The following PSMF1 variants were observed in gnomAD, a reference collection of about 807,000 sequenced individuals.
The protein encoded by PSMF1 is proteasome inhibitor subunit 1.
A neutral mutation model predicts 29.3 loss-of-function variants in PSMF1; 30 were observed. The ratio of observed to expected loss-of-function variants is 1.02; its 90% CI spans 0.77 to 1.39. The LOEUF is 1.39. Among genes scored for constraint, PSMF1 ranks in the 40% most tolerant of loss-of-function variants. The pLI, the probability that PSMF1 is intolerant of heterozygous loss-of-function variation, is 0.00. For missense variants in PSMF1, 344 were observed against 357.5 expected (o/e 0.96, Z 0.31); for synonymous variants, 134 against 139.7 (o/e 0.96, Z 0.29).
chr20:1,113,445 A>AACACAC (rs58779664), intron 1 of PSMF1: 15,631 of 114,314 alleles, frequency 0.14, 1,250 homozygotes, highest in Admixed American at 0.16. Context: ...GATCAGGGGC[A>AACACAC]ACACACACAC....
Position 1,171,955 on chromosome 20 carries a change from C to T in PSMF1, c.*6875C>T, listed in dbSNP as rs2086794775. Among the ~76,000 whole-genome samples, 1 of 152,210 alleles carries T rather than the reference C, an allele frequency of 6.6e-6. No individual in the cohort carries two copies. The highest frequency in any genetic ancestry group is 6.5e-5 in the Admixed American group (1 of 15,276). ...TGAAGAGAGGGATGGCCCAGGGGCC[C>T]TTGGCCATGGTGGCCTTGGACAAGT... On this transcript the variant is annotated 3_prime_UTR_variant, in exon 7 of 7. Transcript: ENST00000335877.
intron 4 of PSMF1, among the ~76,000 whole-genome samples, chr20:1,153,054 A>G (rs574891417): frequency 2.8e-4 from 43 of 152,288 alleles, no homozygotes; most frequent in South Asian, 1.9e-3. Flanking sequence ...CATTCTCACT[A>G]TGTTTCAATG....
intron 3 of PSMF1, among the ~76,000 whole-genome samples, chr20:1,133,202 T>C (rs572572012): frequency 6.6e-6 from 1 of 151,572 alleles, no homozygotes; most frequent in South Asian, 2.1e-4. Flanking sequence ...CAGTAAAGTA[T>C]ATTGTTAGGG....
chr20:1,161,460 A>C (rs1396152644), intron 4 of PSMF1: 1 of 475,480 alleles, frequency 2.1e-6, no homozygotes, highest in African/African-American at 2.0e-5. Flanking sequence ...GTATGCCAAC[A>C]CGGTGCTGGC....
intron 3 of PSMF1, among the ~76,000 whole-genome samples, chr20:1,128,653 A>C (rs2086191081): frequency 1.3e-5 from 2 of 152,148 alleles, no homozygotes; most frequent in African/African-American, 2.4e-5. Flanking sequence ...TATATAGTTA[A>C]GCTGATTTAT....
chr20:1,140,006 T>C (rs1600155510), intron 4 of PSMF1, among the ~76,000 whole-genome samples: 1 of 152,182 alleles, frequency 6.6e-6, no homozygotes, highest in Non-Finnish European at 1.5e-5. Context: ...GAAGAATTAA[T>C]ATTAGCCATA....
At chr20:1,132,255 CTTTT>C (rs1005891183) in intron 3 of PSMF1, among the ~76,000 whole-genome samples, 1 of 149,710 alleles carries the variant, frequency 6.7e-6, no homozygotes, top group Non-Finnish European at 1.5e-5. Flanking sequence ...TCTTTTTTTT[CTTTT>C]TTCTTTCTTT....
chr20:1,160,690 G>C (rs1163890604), intron 4 of PSMF1: 4 of 494,846 alleles, frequency 8.1e-6, no homozygotes, highest in Non-Finnish European at 1.6e-5. Flanking sequence ...TCCACTGTCA[G>C]GTGCCCCCAA....
intron 4 of PSMF1, among the ~76,000 whole-genome samples, chr20:1,140,828 A>T (rs2086371625): frequency 6.6e-6 from 1 of 152,256 alleles, no homozygotes; most frequent in Admixed American, 6.5e-5. Flanking sequence ...GGATGTACAG[A>T]TAGTCCATGA....
At chr20:1,117,292 G>A (rs923284953), upstream of PSMF1, among the ~76,000 whole-genome samples, 5 of 151,980 alleles carry the variant, frequency 3.3e-5, no homozygotes, top group Non-Finnish European at 7.4e-5. Flanking sequence ...CTTTTCCATT[G>A]AGTGTGACGA....
At chr20:1,124,428 C>G (rs1169272660) in intron 1 of PSMF1, among the ~76,000 whole-genome samples, 1 of 151,996 alleles carries the variant, frequency 6.6e-6, no homozygotes, top group Non-Finnish European at 1.5e-5. Flanking sequence ...GCAATGTTGC[C>G]AACTACACGG....
At chr20:1,130,406 A>G (rs1184997163) in intron 3 of PSMF1, among the ~76,000 whole-genome samples, 2 of 152,152 alleles carry the variant, frequency 1.3e-5, no homozygotes, top group Admixed American at 6.5e-5. Context: ...TGAGGCCTTA[A>G]AGCATTCACC....
intron 2 of PSMF1, chr20:1,126,002 T>G: frequency 2.2e-6 from 1 of 464,314 alleles, no homozygotes; most frequent in Non-Finnish European, 4.3e-6. Context: ...GCCCTTGCAC[T>G]TTACATTTCC....
At position 1,165,138 on chromosome 20, in the gene PSMF1, T is replaced by A; in HGVS notation, c.*58T>A. On this transcript the variant is annotated 3_prime_UTR_variant, in exon 7 of 7. Coordinates refer to ENST00000335877, the MANE Select transcript of PSMF1 (RefSeq NM_006814.5). ...TCCATTCTCCTGGAGCTGCCACCGCTGTCCCCATCAGCAACCATGTTCTTG... is the reference window on the plus strand; with the variant it reads ...TCCATTCTCCTGGAGCTGCCACCGCAGTCCCCATCAGCAACCATGTTCTTG... The A allele has an allele frequency of 6.2e-7, 1 of 1,613,702 alleles. No homozygotes were observed. Among genetic ancestry groups the A allele is most frequent in the South Asian group, 1.1e-5 (1 of 91,014 alleles).
At chr20:1,114,430 G>A (rs530725758), upstream of PSMF1, among the ~76,000 whole-genome samples, 1 of 152,364 alleles carries the variant, frequency 6.6e-6, no homozygotes, top group South Asian at 2.1e-4. Context: ...TTAAGACAGG[G>A]ATGATGGTGT....
At chr20:1,151,552 T>C (rs1238039812) in intron 4 of PSMF1, among the ~76,000 whole-genome samples, 1 of 152,242 alleles carries the variant, frequency 6.6e-6, no homozygotes, top group Admixed American at 6.5e-5. Context: ...GAATTTGGAC[T>C]TGAGTCTTAT....
At position 1,163,004 on chromosome 20, in the gene PSMF1, G is replaced by A; in HGVS notation, c.552-126G>A. On this transcript the variant is annotated intron_variant, in intron 4 of 6. Transcript: ENST00000335877. This position sits in a 1 kb window ranked among gnomAD's most constrained non-coding sequence, Gnocchi z 6.1. Reference sequence around the variant, plus strand: ...GTTCATCTGAGCCAAGGACCACCCTGAAATATCCCTTGTGCTATGGTCTCA... The same window carrying A: ...GTTCATCTGAGCCAAGGACCACCCTAAAATATCCCTTGTGCTATGGTCTCA... 1.0e-6 allele frequency: 1 copy of A among 985,214 alleles called. No individual in the cohort carries two copies. The highest frequency in any genetic ancestry group is 2.6e-5 in the East Asian group (1 of 38,538). 61.0% of individuals were successfully genotyped at this position (985,214 alleles called of 1,614,324 possible). A position where few individuals can be genotyped will look rare whatever the true frequency, so the allele number is the denominator to read the frequency against.
upstream of PSMF1, among the ~76,000 whole-genome samples, chr20:1,115,482 A>G (rs959440069): frequency 6.6e-6 from 1 of 152,242 alleles, no homozygotes; most frequent in Admixed American, 6.5e-5. Flanking sequence ...TGTACCAGCA[A>G]TTTGAATCAA....
At position 1,167,172 on chromosome 20, in the gene PSMF1, G is replaced by T. The variant is rs987620401; in HGVS notation, c.*2092G>T. ...TGAATAGAGCCTTTAGGAACTTCCT[G>T]GTCAAGCTTATGGTGCTTATTTTGA... On this transcript the variant is annotated 3_prime_UTR_variant, in exon 7 of 7. Transcript: ENST00000335877. 7 of 152,006 alleles carry T rather than the reference G, an allele frequency of 4.6e-5. No homozygotes were observed. The highest frequency in any genetic ancestry group is 1.7e-4 in the African/African-American group (7 of 41,358). 9.4% of individuals were successfully genotyped at this position (152,006 alleles called of 1,614,324 possible). A position where few individuals can be genotyped will look rare whatever the true frequency, so the allele number is the denominator to read the frequency against.
Sources: allele counts gnomAD v4.1 joint callset (sites outside exome capture counted in the v4.1 genomes callset), GRCh38; gene constraint gnomAD v4.1.1; non-coding constraint Gnocchi (gnomAD v3.1); transcripts MANE v1.5; gene names NCBI Gene and HGNC (gene_info 2026-07-23, HGNC 2026-07-21).